Variants in FAM171A2 observed in about 807,000 individuals in gnomAD.
The protein encoded by FAM171A2 is protein FAM171A2.
A neutral mutation model predicts 34.2 loss-of-function variants in FAM171A2; 13 were observed. That is an observed-to-expected ratio of 0.38 (90% CI 0.25 to 0.60). The LOEUF (loss-of-function observed/expected upper bound fraction) is 0.60. Among genes scored for constraint, FAM171A2 ranks in the 20% least tolerant of loss-of-function variants. The pLI, the probability that FAM171A2 is intolerant of heterozygous loss-of-function variation, is 0.62. For missense variants in FAM171A2, 950 were observed against 1,180.7 expected (o/e 0.80, Z 2.86); for synonymous variants, 475 against 561.2 (o/e 0.85, Z 2.17).
At position 44,355,461 on chromosome 17, in the gene FAM171A2, G is replaced by C. The variant is rs1345891086; in HGVS notation, c.1022+254C>G. ...GGGTGTGTCCGGCCTGGAGTCCTCTGGGAGAGAGAGCTGGGCTGGTAGGGG... is the reference window on the plus strand; with the variant it reads ...GGGTGTGTCCGGCCTGGAGTCCTCTCGGAGAGAGAGCTGGGCTGGTAGGGG... On this transcript the variant is annotated intron_variant, in intron 7 of 7. Transcript: ENST00000293443. The surrounding 1 kb of genome is among the most constrained non-coding windows in gnomAD (Gnocchi z 4.1). Among the ~76,000 whole-genome samples, 4 of 152,228 alleles carry C rather than the reference G, an allele frequency of 2.6e-5. No individual in the cohort carries two copies. The highest frequency in any genetic ancestry group is 5.9e-5 in the Non-Finnish European group (4 of 68,024).
Position 44,355,815 on chromosome 17 carries a change from G to C in FAM171A2, c.922C>G (p.Gln308Glu), listed in dbSNP as rs1466743528. The C allele has an allele frequency of 1.1e-5, 17 of 1,551,606 alleles. No homozygotes were observed. The highest frequency in any genetic ancestry group is 8.7e-6 in the Non-Finnish European group (10 of 1,147,016). ...AGLVTITSGI[Q>E]DIGTYHTIFL... ...ATGGTGTGGTAGGTGCCGATGTCCT[G>C]GATGCCCGACGTGATGGTGACCAGC... Residue 308 changes from glutamine to glutamate, a missense_variant, in exon 7 of 8, where the codon CAG (glutamine) becomes GAG (glutamate). Transcript: ENST00000293443. This position sits in a 1 kb window ranked among gnomAD's most constrained non-coding sequence, Gnocchi z 4.1.
rs1435073170 is a variant in FAM171A2 at position 44,354,359 on chromosome 17, G to A, written c.1855C>T (p.Pro619Ser). The A allele has an allele frequency of 7.3e-7, 1 of 1,376,806 alleles. No individual in the cohort carries two copies. The highest frequency in any genetic ancestry group is 1.6e-5 in the South Asian group (1 of 64,040). 85.3% of individuals were successfully genotyped at this position (1,376,806 alleles called of 1,614,324 possible). ...AAPVSGSVTI[P>S]VLFNESTMAQ... ...ATGGTGGACTCGTTGAATAGCACAG[G>A]GATGGTGACTGAGCCACTGACGGGC... The change falls in exon 8 of 8, where the codon CCT (proline) becomes TCT (serine). Residue 619 changes from proline (P) to serine (S), a missense_variant. Physicochemically the swap from Pro to Ser is moderately conservative, Grantham distance 74 (BLOSUM62 -1). Around this residue, in one of 3 missense-constraint regions of FAM171A2, gnomAD observed 752 missense variants for 924.5 expected, o/e 0.81. Coordinates refer to ENST00000293443, the MANE Select transcript of FAM171A2 (RefSeq NM_198475.3). This position sits in a 1 kb window ranked among gnomAD's most constrained non-coding sequence, Gnocchi z 5.8.
In FAM171A2 at chr17:44,353,899, C is replaced by A; in HGVS notation, c.2315G>T (p.Arg772Leu). Residue 772 changes from arginine (R) to leucine (L), a missense_variant, in exon 8 of 8, where the codon CGC becomes CTC. By Grantham distance (102) the Arg-to-Leu change is moderately radical (BLOSUM62 -2). Transcript: ENST00000293443. ...RAATVPRGRGRSRGDSSRSSA... is the reference protein window; with the variant it reads ...RAATVPRGRGLSRGDSSRSSA... ...GCTGCGGGAGCTGTCCCCGCGGCTG[C>A]GGCCCCGCCCCCGGGGTACCGTGGC... The A allele has an allele frequency of 7.7e-7, 1 of 1,302,354 alleles. No homozygotes were observed. 80.7% of individuals were successfully genotyped at this position (1,302,354 alleles called of 1,614,324 possible). A position where few individuals can be genotyped will look rare whatever the true frequency, so the allele number is the denominator to read the frequency against.
chr17:44,357,730 C>CGTGTGTGTGTGT (rs141824631), intron 3 of FAM171A2, among the ~76,000 whole-genome samples: 1,742 of 143,330 alleles, frequency 0.012, 43 homozygotes, highest in African/African-American at 0.04. Flanking sequence ...CAGTTTAGGT[C>CGTGTGTGTGTGT]GTGTGTGTGT....
chr17:44,360,019 C>T lies in FAM171A2; in HGVS notation c.232G>A (p.Glu78Lys), dbSNP rs1457264963. The T allele has an allele frequency of 6.4e-7, 1 of 1,551,776 alleles. No individual in the cohort carries two copies. Among genetic ancestry groups the T allele is most frequent in the East Asian group, 2.4e-5 (1 of 40,928 alleles). The change falls in exon 2 of 8, where the codon GAG becomes AAG. Residue 78 changes from glutamate to lysine, a missense_variant. Glu to Lys is a moderately conservative substitution (Grantham distance 56, BLOSUM62 1). Transcript: ENST00000293443. The part of the protein sequence containing the change: ...TLLAAGTTDS[E>K]GVATLPLSYR... Reference sequence around the variant, plus strand: ...CTGAGGGGCAGGGTGGCCACACCCTCTGAGTCTGTGGTGCCAGCTGCCAGC... The same window carrying T: ...CTGAGGGGCAGGGTGGCCACACCCTTTGAGTCTGTGGTGCCAGCTGCCAGC...
chr17:44,356,601 A>G lies in FAM171A2; in HGVS notation c.440-13T>C, dbSNP rs114557859. ...TGGGAGCGGGCACCTGGAGGGAAAG[A>G]GGGGCTGCAGTGGCTTGACCATGGA... On this transcript the variant is annotated splice_polypyrimidine_tract_variant and intron_variant, in intron 3 of 7. Transcript: ENST00000293443. The G allele has an allele frequency of 5.2e-6, 8 of 1,533,830 alleles. No homozygotes were observed. Among genetic ancestry groups the G allele is most frequent in the Non-Finnish European group, 7.0e-6 (8 of 1,138,080 alleles).
rs1408459073 is a variant in FAM171A2 at position 44,354,675 on chromosome 17, C to G, written c.1539G>C (p.Leu513=). ...SVDQLARPPS[L]GQAGQLIFCG... is the part of the protein sequence containing the mutation. ...AGAAGATGAGCTGCCCCGCCTGGCC[C>G]AGCGACGGCGGCCGCGCCAGCTGGT... Residue 513 remains leucine, a synonymous_variant, in exon 8 of 8, where the codon CTG becomes CTC. Transcript: ENST00000293443. This position sits in a 1 kb window ranked among gnomAD's most constrained non-coding sequence, Gnocchi z 5.8. 14 of 1,329,188 alleles carry G rather than the reference C, an allele frequency of 1.1e-5. No homozygotes were observed. The highest frequency in any genetic ancestry group is 1.1e-5 in the Non-Finnish European group (11 of 1,038,814). 82.3% of individuals were successfully genotyped at this position (1,329,188 alleles called of 1,614,324 possible).
Position 44,353,926 on chromosome 17 carries a change from G to T in FAM171A2, c.2288C>A (p.Ala763Glu). 7.7e-7 allele frequency: 1 copy of T among 1,296,086 alleles called. No homozygotes were observed. 80.3% of individuals were successfully genotyped at this position (1,296,086 alleles called of 1,614,324 possible). A position where few individuals can be genotyped will look rare whatever the true frequency, so the allele number is the denominator to read the frequency against. The change falls in exon 8 of 8, where the codon GCG (alanine) becomes GAG (glutamate). Residue 763 changes from alanine (A) to glutamate (E), a missense_variant. Physicochemically the swap from Ala to Glu is moderately radical, Grantham distance 107. Coordinates refer to ENST00000293443, the MANE Select transcript of FAM171A2 (RefSeq NM_198475.3). ...GCCCCGCCCCCGGGGTACCGTGGCC[G>T]CCCGGCCCTCGGGCGCCGCCACCTC... The part of the protein sequence containing the change: ...LDEVAAPEGR[A>E]ATVPRGRGRS...
At chr17:44,363,010 C>T (rs954457202) in intron 1 of FAM171A2, among the ~76,000 whole-genome samples, 5 of 152,184 alleles carry the variant, frequency 3.3e-5, no homozygotes, top group Non-Finnish European at 7.4e-5. Flanking sequence ...TTGGTGCACC[C>T]CAAACTCTAA....
At position 44,354,488 on chromosome 17, in the gene FAM171A2, A is replaced by C; in HGVS notation, c.1726T>G (p.Phe576Val). The change falls in exon 8 of 8, where the codon TTT (phenylalanine) becomes GTT (valine). Residue 576 changes from phenylalanine to valine, a missense_variant. Phe to Val is a conservative substitution (Grantham distance 50). Transcript: ENST00000293443. This position sits in a 1 kb window ranked among gnomAD's most constrained non-coding sequence, Gnocchi z 5.8. ...EGTAPGPARA[F>V]PQPDPQRPQM... ...GGGCGCTGGGGGTCGGGCTGGGGAA[A>C]AGCGCGCGCCGGGCCGGGTGCCGTG... 9.3e-7 allele frequency: 1 copy of C among 1,078,970 alleles called. No individual in the cohort carries two copies. 66.8% of individuals were successfully genotyped at this position (1,078,970 alleles called of 1,614,324 possible).
Position 44,360,054 on chromosome 17 carries a change from T to C in FAM171A2, c.197A>G (p.Asn66Ser). The change falls in exon 2 of 8, where the codon AAC (asparagine) becomes AGC (serine). Residue 66 changes from asparagine (N) to serine (S), a missense_variant. Coordinates refer to ENST00000293443, the MANE Select transcript of FAM171A2 (RefSeq NM_198475.3). ...GGTGCCAGCTGCCAGCAGAGTCCGG[T>C]TCCCAAACACATCCACTGAGGCCCG... ...LARASVDVFGNRTLLAAGTTD... is the reference protein window; with the variant it reads ...LARASVDVFGSRTLLAAGTTD... 1 of 1,551,696 alleles carries C rather than the reference T, an allele frequency of 6.4e-7. No individual in the cohort carries two copies. The highest frequency in any genetic ancestry group is 8.7e-7 in the Non-Finnish European group (1 of 1,146,990).
rs565498437 is a variant in FAM171A2 at position 44,355,490 on chromosome 17, T to G, written c.1022+225A>C. On this transcript the variant is annotated intron_variant, in intron 7 of 7. Transcript: ENST00000293443. This position sits in a 1 kb window ranked among gnomAD's most constrained non-coding sequence, Gnocchi z 4.1. ...GAGAGAGCTGGGCTGGTAGGGGCAG[T>G]GGCAGATCTCTCTGGAGGGGCCGGG... Among the ~76,000 whole-genome samples the G allele has an allele frequency of 1.8e-3, 276 of 152,308 alleles. No individual in the cohort carries two copies. Among genetic ancestry groups the G allele is most frequent in the South Asian group, 9.7e-3 (47 of 4,830 alleles).
chr17:44,353,710 C>G lies in FAM171A2; in HGVS notation c.*23G>C, dbSNP rs965439849. 7 of 1,310,920 alleles carry G rather than the reference C, an allele frequency of 5.3e-6. No homozygotes were observed. In the African/African-American group the frequency reaches 9.4e-5, roughly 18 times the overall value. 81.2% of individuals were successfully genotyped at this position (1,310,920 alleles called of 1,614,324 possible). A position where few individuals can be genotyped will look rare whatever the true frequency, so the allele number is the denominator to read the frequency against. ...TGGGTGCGGGCCCGCGCGGGAGGGG[C>G]GGTGCCAGGCCCTGCGCGGGCGCTA... is the stretch of plus-strand genomic sequence containing the variant. On this transcript the variant is annotated 3_prime_UTR_variant, in exon 8 of 8. Coordinates refer to ENST00000293443, the MANE Select transcript of FAM171A2 (RefSeq NM_198475.3).
rs1393358445 is a variant in FAM171A2 at position 44,356,249 on chromosome 17, G to T, written c.702C>A (p.Ser234=). The T allele has an allele frequency of 2.6e-6, 4 of 1,551,456 alleles. No individual in the cohort carries two copies. Among genetic ancestry groups the T allele is most frequent in the African/African-American group, 1.4e-5 (1 of 73,044 alleles). The change falls in exon 5 of 8, where the codon TCC becomes TCA. Residue 234 remains serine (S), a synonymous_variant. Coordinates refer to ENST00000293443, the MANE Select transcript of FAM171A2 (RefSeq NM_198475.3). ...CACGAGTCTCGGAGGGCACGGGCAG[G>T]GACAGGTGAATGGGGCCTGAGAGCG... The part of the protein sequence containing the change: ...EVPLSGPIHL[S]LPVPSETRAL...
In FAM171A2 at chr17:44,354,062, G is replaced by C. The variant is rs2048406326; in HGVS notation, c.2152C>G (p.Pro718Ala). 9.0e-7 allele frequency: 1 copy of C among 1,111,138 alleles called. No individual in the cohort carries two copies. Among genetic ancestry groups the C allele is most frequent in the Non-Finnish European group, 1.1e-6 (1 of 911,874 alleles). The allele number at this position is 1,111,138 out of a possible 1,614,324, so 68.8% of individuals were successfully genotyped here. ...AGCGCCAGGCGCGGGGGCGCGGGCG[G>C]CGGCGGCGGCGCGGCAGGCGGGGCG... Reference protein sequence around the residue: ...ERAPPAAPPPPPAPPRLALSE... With the variant: ...ERAPPAAPPPAPAPPRLALSE... The change falls in exon 8 of 8, where the codon CCG becomes GCG. Residue 718 changes from proline to alanine, a missense_variant. Pro to Ala is a conservative substitution (Grantham distance 27). Coordinates refer to ENST00000293443, the MANE Select transcript of FAM171A2 (RefSeq NM_198475.3). This position sits in a 1 kb window ranked among gnomAD's most constrained non-coding sequence, Gnocchi z 5.8.
rs1437652578 is a variant in FAM171A2, at chr17:44,354,109, G to A, written c.2105C>T (p.Pro702Leu). 8.8e-7 allele frequency: 1 copy of A among 1,131,294 alleles called. No homozygotes were observed. The highest frequency in any genetic ancestry group is 1.1e-6 in the Non-Finnish European group (1 of 922,822). 70.1% of individuals were successfully genotyped at this position (1,131,294 alleles called of 1,614,324 possible). A position where few individuals can be genotyped will look rare whatever the true frequency, so the allele number is the denominator to read the frequency against. Residue 702 changes from proline to leucine, a missense_variant, in exon 8 of 8, where the codon CCC becomes CTC. Pro to Leu is a moderately conservative substitution (Grantham distance 98). Coordinates refer to ENST00000293443, the MANE Select transcript of FAM171A2 (RefSeq NM_198475.3). The surrounding 1 kb of genome is among the most constrained non-coding windows in gnomAD (Gnocchi z 5.8). ...GGCGCGCTCCCGCTCCTCCCTCGCG[G>A]GCCGGCGGCGCGCGGGCCGCGCCTC... The part of the protein sequence containing the change: ...VHEARPARRR[P>L]AREERERAPP...
In FAM171A2 at chr17:44,355,022, G is replaced by A. The variant is rs772445061; in HGVS notation, c.1192C>T (p.Leu398Phe). ...GDPEAPPPGP[L>F]HSAFSSSRDL... ...CGGGAGCTGGAGAAGGCCGAGTGGAGGGGGCCTGGAGGCGGAGCCTCGGGG... is the reference window on the plus strand; with the variant it reads ...CGGGAGCTGGAGAAGGCCGAGTGGAAGGGGCCTGGAGGCGGAGCCTCGGGG... The change falls in exon 8 of 8, where the codon CTC becomes TTC. Residue 398 changes from leucine (L) to phenylalanine (F), a missense_variant. Coordinates refer to ENST00000293443, the MANE Select transcript of FAM171A2 (RefSeq NM_198475.3). The surrounding 1 kb of genome is among the most constrained non-coding windows in gnomAD (Gnocchi z 4.1). The A allele has an allele frequency of 8.3e-5, 127 of 1,526,374 alleles. No individual in the cohort carries two copies. Among genetic ancestry groups the A allele is most frequent in the Non-Finnish European group, 1.1e-4 (121 of 1,136,872 alleles). The allele number at this position is 1,526,374 out of a possible 1,614,324, so 94.6% of individuals were successfully genotyped here.
Position 44,356,207 on chromosome 17 carries a change from G to A in FAM171A2, c.744C>T (p.Thr248=). The part of the protein sequence containing the change: ...PSETRALTVG[T]SIPAWRFDPK... ...GGTCAAATCTCCAGGCTGGAATGCTGGTGCCCACGGTGAGGGCACGAGTCT... is the reference window on the plus strand; with the variant it reads ...GGTCAAATCTCCAGGCTGGAATGCTAGTGCCCACGGTGAGGGCACGAGTCT... Residue 248 remains threonine, a synonymous_variant, in exon 5 of 8, where the codon ACC becomes ACT. Coordinates refer to ENST00000293443, the MANE Select transcript of FAM171A2 (RefSeq NM_198475.3). 1.3e-6 allele frequency: 2 copies of A among 1,550,192 alleles called. No individual in the cohort carries two copies. Among genetic ancestry groups the A allele is most frequent in the Non-Finnish European group, 1.7e-6 (2 of 1,145,944 alleles).
At chr17:44,362,577 G>C (rs1393004123) in intron 1 of FAM171A2, among the ~76,000 whole-genome samples, 2 of 152,232 alleles carry the variant, frequency 1.3e-5, no homozygotes, top group African/African-American at 4.8e-5. Flanking sequence ...GCAGGACCCG[G>C]GAGGTGGACT....
Sources: allele counts gnomAD v4.1 joint callset (sites outside exome capture counted in the v4.1 genomes callset), GRCh38; gene constraint gnomAD v4.1.1; regional missense constraint gnomAD v4.1.1; non-coding constraint Gnocchi (gnomAD v3.1); transcripts MANE v1.5; gene names NCBI Gene and HGNC (gene_info 2026-07-23, HGNC 2026-07-21).